The following HMG20A variants were observed in gnomAD, a reference collection of about 807,000 sequenced individuals.
The protein encoded by HMG20A is high mobility group protein 20A.
A neutral mutation model predicts 43.9 loss-of-function variants in HMG20A; 17 were observed. The ratio of observed to expected loss-of-function variants is 0.39; its 90% CI spans 0.27 to 0.58. The LOEUF (loss-of-function observed/expected upper bound fraction) is 0.58, where lower values mean the gene tolerates loss of function less well. Ranked by LOEUF, HMG20A falls within the 20% of genes least tolerant of loss-of-function variation. The pLI is 0.59. For synonymous variants in HMG20A, 132 were observed against 147.5 expected, an observed-to-expected ratio of 0.89 and a Z score of 0.76; for missense variants, 341 against 438.2, an observed-to-expected ratio of 0.78 and a Z score of 1.98.
Position 77,443,379 on chromosome 15 carries a change from G to GATGATTATTATTATTATT in HMG20A, c.-4-15023_-4-15022insGATTATTATTATTATTAT, listed in dbSNP as rs576920554. On this transcript the variant is annotated intron_variant, in intron 1 of 9. Transcript: ENST00000336216. Reference sequence around the variant, plus strand: ...TGATGATGATGATGATGATGATGATGATTATTATTATTATTATTATTATTA... The same window carrying GATGATTATTATTATTATT: ...TGATGATGATGATGATGATGATGATGATGATTATTATTATTATTATTATTATTATTATTATTATTATTA... Among the ~76,000 whole-genome samples the GATGATTATTATTATTATT allele has an allele frequency of 2.7e-3, 361 of 131,302 alleles. 1 individual carries two copies. The highest frequency in any genetic ancestry group is 7.5e-3 in the Middle Eastern group (2 of 266). The allele number at this position is 131,302 out of a possible 152,430, so 86.1% of individuals were successfully genotyped here.
At chr15:77,474,291 T>C (rs2072836162) in intron 6 of HMG20A, among the ~76,000 whole-genome samples, 1 of 152,206 alleles carries the variant, frequency 6.6e-6, no homozygotes, top group African/African-American at 2.4e-5. Flanking sequence ...CCTAAATACA[T>C]ACTTATTTCC....
At chr15:77,486,137 A>G (rs1003829676), downstream of HMG20A, among the ~76,000 whole-genome samples, 4 of 152,210 alleles carry the variant, frequency 2.6e-5, no homozygotes, top group Non-Finnish European at 5.9e-5. Context: ...ATTCTAATTC[A>G]TTTTAATATA....
At chr15:77,497,952 G>T in the HMG20A span, among the ~76,000 whole-genome samples, 1 of 151,772 alleles carries the variant, frequency 6.6e-6, no homozygotes, top group Non-Finnish European at 1.5e-5. Context: ...CAATTTTCAG[G>T]CTGCACAGCA....
intron 1 of HMG20A, among the ~76,000 whole-genome samples, chr15:77,437,130 G>A (rs2073558130): frequency 6.6e-6 from 1 of 152,116 alleles, no homozygotes; most frequent in Admixed American, 6.5e-5. Flanking sequence ...GAGGTCCCCT[G>A]TCTAAATGAA....
At chr15:77,471,105 A>G (rs891826978) in intron 5 of HMG20A, 63 bp downstream of exon 5, 8 of 1,522,388 alleles carry the variant, frequency 5.3e-6, no homozygotes, top group Admixed American at 2.0e-5. Context: ...TCATAAAGCC[A>G]ACTGTTAAGA....
chr15:77,442,976 A>T (rs2142297004), intron 1 of HMG20A, among the ~76,000 whole-genome samples: 1 of 150,946 alleles, frequency 6.6e-6, no homozygotes, highest in East Asian at 2.0e-4. Context: ...TAAAACAAAG[A>T]TTGGAAAGTA....
At chr15:77,491,370 T>C in the HMG20A span, among the ~76,000 whole-genome samples, 1 of 152,230 alleles carries the variant, frequency 6.6e-6, no homozygotes, top group African/African-American at 2.4e-5. Flanking sequence ...CTATTTTTCT[T>C]GGGGCCGGTG....
the HMG20A span, among the ~76,000 whole-genome samples, chr15:77,513,709 C>T: frequency 3.6e-4 from 55 of 151,264 alleles, no homozygotes; most frequent in African/African-American, 1.3e-3. Flanking sequence ...ACCCTTATGA[C>T]CTCATTTAAC....
chr15:77,488,138 C>T (rs940304794), downstream of HMG20A, among the ~76,000 whole-genome samples: 3 of 152,168 alleles, frequency 2.0e-5, no homozygotes, highest in Non-Finnish European at 2.9e-5. Flanking sequence ...TTATAAACCA[C>T]CTGCAACACC....
intron 4 of HMG20A, 98 bp from the exon 5 acceptor site, chr15:77,470,812 C>A: frequency 9.5e-7 from 1 of 1,052,522 alleles, no homozygotes. Context: ...TTCTTTTCTT[C>A]CCATGTTCTA....
intron 1 of HMG20A, among the ~76,000 whole-genome samples, chr15:77,453,863 T>G (rs1054077308): frequency 7.9e-5 from 12 of 151,956 alleles, no homozygotes; most frequent in Non-Finnish European, 1.3e-4. Flanking sequence ...AATATCAGAA[T>G]AGGTACAGTT....
chr15:77,468,601 A>T (rs1049233372), intron 4 of HMG20A, among the ~76,000 whole-genome samples: 2 of 145,068 alleles, frequency 1.4e-5, no homozygotes, highest in Admixed American at 7.6e-5. Flanking sequence ...TCTCTGTCAC[A>T]CACACACACA....
downstream of HMG20A, among the ~76,000 whole-genome samples, chr15:77,488,376 G>T (rs1032262711): frequency 1.3e-5 from 2 of 152,170 alleles, no homozygotes; most frequent in South Asian, 4.1e-4. Flanking sequence ...TGATAATCTA[G>T]TGGGAAGGAC....
chr15:77,425,239 T>C (rs1365806383), intron 1 of HMG20A, among the ~76,000 whole-genome samples: 1 of 152,248 alleles, frequency 6.6e-6, no homozygotes, highest in African/African-American at 2.4e-5. Flanking sequence ...ATTGCGTTGT[T>C]GTAGGTAGAG....
the HMG20A span, among the ~76,000 whole-genome samples, chr15:77,510,578 C>G: frequency 1.1e-4 from 17 of 152,194 alleles, no homozygotes; most frequent in Non-Finnish European, 2.2e-4. Flanking sequence ...CTTGCCAGGT[C>G]CCCCTGAGGC....
intron 7 of HMG20A, 96 bp from the exon 8 acceptor site, chr15:77,478,199 A>G: frequency 8.4e-7 from 1 of 1,191,918 alleles, no homozygotes; most frequent in East Asian, 2.3e-5. Context: ...TAGCTAAATT[A>G]GAGGCAGCTA....
intron 1 of HMG20A, among the ~76,000 whole-genome samples, chr15:77,449,010 C>T (rs910185166): frequency 6.6e-6 from 1 of 152,004 alleles, no homozygotes; most frequent in African/African-American, 2.4e-5. Context: ...GATCAAGCCA[C>T]TGCACTTCAG....
At chr15:77,428,103 C>T (rs2073444905) in intron 1 of HMG20A, among the ~76,000 whole-genome samples, 1 of 152,150 alleles carries the variant, frequency 6.6e-6, no homozygotes, top group South Asian at 2.1e-4. Flanking sequence ...CATAATGAAG[C>T]ATTTAGCAGA....
chr15:77,519,812 G>T, the HMG20A span, among the ~76,000 whole-genome samples: 1 of 152,346 alleles, frequency 6.6e-6, no homozygotes, highest in Admixed American at 6.5e-5. Flanking sequence ...GCAGGGTAAG[G>T]TCTTCTGATT....
Sources: gnomAD v4.1 joint callset for allele counts (sites outside exome capture counted in the v4.1 genomes callset) on GRCh38, gnomAD v4.1.1 for gene constraint, MANE v1.5 for transcripts, NCBI Gene and HGNC (gene_info 2026-07-23, HGNC 2026-07-21) for gene names.